The following SAMD4A variants were observed in gnomAD, a reference collection of about 807,000 sequenced individuals.
The protein encoded by SAMD4A is protein Smaug homolog 1.
A neutral mutation model predicts 81.3 loss-of-function variants in SAMD4A; 33 were observed. The observed-to-expected ratio is 0.41, with a 90% CI of 0.31 to 0.54. The LOEUF is 0.54. Ranked by LOEUF, SAMD4A falls within the 20% of genes least tolerant of loss-of-function variation. The pLI is 0.37. For synonymous variants in SAMD4A, 389 were observed against 382.1 expected (o/e 1.02, Z -0.21); for missense variants, 854 against 951.1 (o/e 0.90, Z 1.34).
intron 2 of SAMD4A, among the ~76,000 whole-genome samples, chr14:54,586,239 G>T (rs564412659): frequency 6.6e-6 from 1 of 151,944 alleles, no homozygotes; most frequent in African/African-American, 2.4e-5. Flanking sequence ...CTTCTTTTGA[G>T]AATTCATGTC....
intron 3 of SAMD4A, among the ~76,000 whole-genome samples, chr14:54,719,960 T>C (rs2037219144): frequency 6.6e-6 from 1 of 152,170 alleles, no homozygotes; most frequent in Non-Finnish European, 1.5e-5. Context: ...TCAAAATAAT[T>C]TCCTCTCATT....
At chr14:54,784,712 A>G in intron 12 of SAMD4A, 92 bp downstream of exon 12, 1 of 1,181,912 alleles carries the variant, frequency 8.5e-7, no homozygotes, top group Non-Finnish European at 1.3e-6. Flanking sequence ...GCAGGAGCTC[A>G]GGAGAATTGG....
chr14:54,618,888 T>C (rs1038407241), intron 2 of SAMD4A, among the ~76,000 whole-genome samples: 2 of 152,204 alleles, frequency 1.3e-5, no homozygotes, highest in Non-Finnish European at 2.9e-5. Flanking sequence ...TGGATCTCTA[T>C]AAAGCAATAT....
chr14:54,767,020 C>A (rs1036555200), intron 8 of SAMD4A, among the ~76,000 whole-genome samples: 1 of 152,200 alleles, frequency 6.6e-6, no homozygotes, highest in Non-Finnish European at 1.5e-5. Context: ...GGCTGGGGGC[C>A]CCGGTCAGGA....
At chr14:54,656,995 C>T (rs79497378) in intron 2 of SAMD4A, among the ~76,000 whole-genome samples, 3,038 of 152,080 alleles carry the variant, frequency 0.02, 77 homozygotes, top group East Asian at 0.11. Context: ...TCTCCCACCC[C>T]GCCGGAGAAA....
At position 54,784,578 on chromosome 14, in the gene SAMD4A, C is replaced by T. The variant is rs1339576204; in HGVS notation, c.2086C>T (p.Leu696=). The T allele has an allele frequency of 6.8e-6, 11 of 1,614,194 alleles. No individual in the cohort carries two copies. Among genetic ancestry groups the T allele is most frequent in the South Asian group, 4.4e-5 (4 of 91,088 alleles). ...PVTEPDINNR[L]ESLCLSMTEH... Reference sequence around the variant, plus strand: ...GACCGAACCTGACATCAACAACAGGCTGGAGTCGTTGTGCCTCAGTATGAC... The same window carrying T: ...GACCGAACCTGACATCAACAACAGGTTGGAGTCGTTGTGCCTCAGTATGAC... Residue 696 remains leucine, a synonymous_variant, in exon 12 of 13, where the codon CTG becomes TTG. Transcript: ENST00000554335.
chr14:54,756,007 G>A (rs1007977036), intron 6 of SAMD4A, among the ~76,000 whole-genome samples: 4 of 152,020 alleles, frequency 2.6e-5, no homozygotes, highest in South Asian at 2.1e-4. Context: ...GTAAGCCTGC[G>A]CCTTTTCTTC....
At chr14:54,666,518 G>C (rs187957727) in intron 2 of SAMD4A, among the ~76,000 whole-genome samples, 338 of 151,164 alleles carry the variant, frequency 2.2e-3, no homozygotes, top group Admixed American at 3.9e-3. Flanking sequence ...TCTGTGTTTG[G>C]TTGAATAAAT....
intron 2 of SAMD4A, among the ~76,000 whole-genome samples, chr14:54,638,662 C>T (rs1262717137): frequency 6.6e-6 from 1 of 152,026 alleles, no homozygotes. Flanking sequence ...ATTTTTTGAA[C>T]AACAAGAGAC....
intron 2 of SAMD4A, among the ~76,000 whole-genome samples, chr14:54,634,281 A>C: frequency 1.5e-5 from 1 of 64,906 alleles, no homozygotes; most frequent in Non-Finnish European, 2.8e-5. Context: ...GCAAGACTCC[A>C]TCTCGGGGGG....
At chr14:54,690,237 TG>T (rs1317389821) in intron 2 of SAMD4A, among the ~76,000 whole-genome samples, 2 of 151,892 alleles carry the variant, frequency 1.3e-5, no homozygotes, top group Non-Finnish European at 2.9e-5. Context: ...AATGGGTAAA[TG>T]GCATTTGGGG....
At chr14:54,613,124 AAGAG>A (rs1555336308) in intron 2 of SAMD4A, among the ~76,000 whole-genome samples, 2 of 113,598 alleles carry the variant, frequency 1.8e-5, no homozygotes, top group Admixed American at 1.9e-4. Flanking sequence ...AAGAAAGAAA[AAGAG>A]AGAGAGAGAA....
intron 2 of SAMD4A, among the ~76,000 whole-genome samples, chr14:54,626,059 T>TGTGTGTGTGTGCGCGCGCGC (rs368142521): frequency 9.8e-6 from 1 of 102,096 alleles, no homozygotes; most frequent in Non-Finnish European, 2.0e-5. Context: ...TGTGTGTGTG[T>TGTGTGTGTGTGCGCGCGCGC]GCGCGCGCGC....
At chr14:54,744,234 C>T (rs1479071389) in intron 4 of SAMD4A, among the ~76,000 whole-genome samples, 1 of 152,198 alleles carries the variant, frequency 6.6e-6, no homozygotes, top group Non-Finnish European at 1.5e-5. Context: ...TCAGCAATAT[C>T]GATCCCATCT....
intron 3 of SAMD4A, among the ~76,000 whole-genome samples, chr14:54,716,018 G>A (rs903999584): frequency 3.9e-5 from 6 of 152,164 alleles, no homozygotes; most frequent in Non-Finnish European, 8.8e-5. Flanking sequence ...CCACTTGAAA[G>A]CCATTCTTGC....
rs116630912 is a variant in SAMD4A at position 54,610,917 on chromosome 14, G to T, written c.196+42805G>T. On this transcript the variant is annotated intron_variant, in intron 2 of 12. Transcript: ENST00000554335. ...CAAATCTGTAGAATTAAAATAAAAA[G>T]CTGTTAGGACCCATGATAGGCTTAC... Among the ~76,000 whole-genome samples, 529 of 152,266 alleles carry T rather than the reference G, an allele frequency of 3.5e-3. 3 individuals carry two copies. The highest frequency in any genetic ancestry group is 0.012 in the African/African-American group (492 of 41,540).
intron 11 of SAMD4A, among the ~76,000 whole-genome samples, chr14:54,779,283 A>G (rs1337183582): frequency 6.6e-6 from 1 of 152,222 alleles, no homozygotes; most frequent in Non-Finnish European, 1.5e-5. Context: ...TCATCTGTAC[A>G]TGAACAGGAG....
chr14:54,603,262 A>G (rs1566542293), intron 2 of SAMD4A, among the ~76,000 whole-genome samples: 1 of 152,168 alleles, frequency 6.6e-6, no homozygotes, highest in Non-Finnish European at 1.5e-5. Context: ...AGAGAATCTC[A>G]TGATTTATTT....
At chr14:54,758,667 T>C (rs2038309728) in intron 6 of SAMD4A, among the ~76,000 whole-genome samples, 1 of 152,088 alleles carries the variant, frequency 6.6e-6, no homozygotes, top group South Asian at 2.1e-4. Flanking sequence ...CCATCTCTGC[T>C]AAAAATACAA....
Sources: allele counts gnomAD v4.1 joint callset (sites outside exome capture counted in the v4.1 genomes callset), GRCh38; gene constraint gnomAD v4.1.1; transcripts MANE v1.5; gene names NCBI Gene and HGNC (gene_info 2026-07-23, HGNC 2026-07-21).